Variants in UBQLN1 observed in about 807,000 individuals in gnomAD.
UBQLN1 encodes ubiquilin 1.
A neutral mutation model predicts 65.4 loss-of-function variants in UBQLN1; 13 were observed. The ratio of observed to expected loss-of-function variants is 0.20; its 90% CI spans 0.13 to 0.32. The LOEUF (loss-of-function observed/expected upper bound fraction) is 0.32, where lower values mean the gene tolerates loss of function less well. Among genes scored for constraint, UBQLN1 ranks in the 10% least tolerant of loss-of-function variants. UBQLN1 has a pLI of 1.00. For synonymous variants in UBQLN1, 267 were observed against 247.8 expected, an observed-to-expected ratio of 1.08 and a Z score of -0.73; for missense variants, 561 against 724.0, an observed-to-expected ratio of 0.77 and a Z score of 2.58.
chr9:83,677,636 C>T (rs1308740953), intron 6 of UBQLN1, 91 bp downstream of exon 6: 2 of 917,584 alleles, frequency 2.2e-6, no homozygotes, highest in East Asian at 2.6e-5. Flanking sequence ...TATACATACA[C>T]ACAAAAGCAC....
At chr9:83,696,645 GAA>G (rs11312351) in intron 1 of UBQLN1, among the ~76,000 whole-genome samples, 99 of 147,600 alleles carry the variant, frequency 6.7e-4, no homozygotes, top group African/African-American at 7.5e-4. Flanking sequence ...TCTAAAAAAG[GAA>G]AAAAAAAAAA....
At chr9:83,688,765 G>A (rs1832080446) in intron 1 of UBQLN1, among the ~76,000 whole-genome samples, 1 of 151,940 alleles carries the variant, frequency 6.6e-6, no homozygotes, top group South Asian at 2.1e-4. Context: ...GGAGGCTGAG[G>A]CAGGAGAATT....
intron 1 of UBQLN1, among the ~76,000 whole-genome samples, chr9:83,698,910 C>CT (rs1832265468): frequency 7.6e-6 from 1 of 132,072 alleles, no homozygotes; most frequent in Non-Finnish European, 1.6e-5. Flanking sequence ...TGAGACCTGT[C>CT]TCAAAAAAAA....
At chr9:83,690,698 C>A (rs1832112616) in intron 1 of UBQLN1, among the ~76,000 whole-genome samples, 1 of 151,440 alleles carries the variant, frequency 6.6e-6, no homozygotes, top group African/African-American at 2.4e-5. Flanking sequence ...CGTGCCACTG[C>A]ACTCCAGCTT....
At position 83,661,919 on chromosome 9, in the gene UBQLN1, T is replaced by C. The variant is rs956224786; in HGVS notation, c.1638A>G (p.Arg546=). 1 of 1,613,454 alleles carries C rather than the reference T, an allele frequency of 6.2e-7. No individual in the cohort carries two copies. The highest frequency in any genetic ancestry group is 8.5e-7 in the Non-Finnish European group (1 of 1,179,720). The change falls in exon 11 of 11, where the codon AGA becomes AGG. Residue 546 remains arginine (R), a synonymous_variant. Transcript: ENST00000376395. ...VNPQLQNPEV[R]FQQQLEQLSA... Reference sequence around the variant, plus strand: ...TGAGTTGTTCCAGTTGTTGCTGAAATCTGACTTCTGGATTCTGTAGCTATT... The same window carrying C: ...TGAGTTGTTCCAGTTGTTGCTGAAACCTGACTTCTGGATTCTGTAGCTATT...
intron 1 of UBQLN1, among the ~76,000 whole-genome samples, chr9:83,694,712 A>G (rs973688589): frequency 6.6e-6 from 1 of 152,216 alleles, no homozygotes; most frequent in Non-Finnish European, 1.5e-5. Context: ...CAAAAACTTA[A>G]AACTCAATTC....
At chr9:83,665,702 G>A (rs1831633488) in intron 8 of UBQLN1, among the ~76,000 whole-genome samples, 1 of 152,112 alleles carries the variant, frequency 6.6e-6, no homozygotes, top group African/African-American at 2.4e-5. Context: ...CACCAACCTT[G>A]GAAAATGGTT....
intron 1 of UBQLN1, 46 bp from the exon 2 acceptor site, chr9:83,686,201 A>T: frequency 7.6e-7 from 1 of 1,319,980 alleles, no homozygotes; most frequent in Non-Finnish European, 1.0e-6. Context: ...TTTGCACAGC[A>T]CCATACAGTC....
Position 83,679,943 on chromosome 9 carries a change from A to C in UBQLN1, c.543T>G (p.Ser181=). Residue 181 remains serine (S), a synonymous_variant, in exon 4 of 11, where the codon TCT becomes TCG. Coordinates refer to ENST00000376395, the MANE Select transcript of UBQLN1 (RefSeq NM_013438.5). The part of the protein sequence containing the change: ...LQSQMQRQLL[S]NPEMMVQIME... ...TGATCTGGACCATCATTTCAGGGTT[A>C]GACAAAAGTTGTCGCTGCATCTGAC... The C allele has an allele frequency of 6.2e-7, 1 of 1,614,192 alleles. No homozygotes were observed. Among genetic ancestry groups the C allele is most frequent in the South Asian group, 1.1e-5 (1 of 91,082 alleles).
rs1233242464 is a variant in UBQLN1 at position 83,677,721 on chromosome 9, G to C, written c.1105+6C>G. ...AAGAAAAAAGCCTGAGTTGTTAAAA[G>C]CATACCTCCTACTCCAGGCACCAAA... On this transcript the variant is annotated splice_donor_region_variant and intron_variant, in intron 6 of 10. Transcript: ENST00000376395. 1.2e-6 allele frequency: 2 copies of C among 1,605,248 alleles called. No homozygotes were observed. The highest frequency in any genetic ancestry group is 8.5e-7 in the Non-Finnish European group (1 of 1,173,470).
At chr9:83,684,002 C>CAG (rs1234623995) in intron 2 of UBQLN1, among the ~76,000 whole-genome samples, 2 of 151,908 alleles carry the variant, frequency 1.3e-5, no homozygotes, top group Non-Finnish European at 1.5e-5. Context: ...GCCTGGGTGA[C>CAG]AGAGAGAGAC....
intron 1 of UBQLN1, among the ~76,000 whole-genome samples, chr9:83,700,838 G>C (rs551099088): frequency 1.3e-5 from 2 of 152,156 alleles, no homozygotes; most frequent in African/African-American, 2.4e-5. Flanking sequence ...GTATTACACA[G>C]GGCCTCGCTA....
At chr9:83,705,679 T>A (rs1175045737) in intron 1 of UBQLN1, among the ~76,000 whole-genome samples, 2 of 152,200 alleles carry the variant, frequency 1.3e-5, no homozygotes, top group Non-Finnish European at 2.9e-5. Context: ...ATAAGACTGT[T>A]CATAGTAACT....
chr9:83,692,083 A>C (rs1366213361), intron 1 of UBQLN1, among the ~76,000 whole-genome samples: 1 of 152,120 alleles, frequency 6.6e-6, no homozygotes, highest in African/African-American at 2.4e-5. Flanking sequence ...CCAAGAAATA[A>C]GCAACTTTGT....
intron 7 of UBQLN1, chr9:83,667,960 T>TA (rs1261808486): frequency 2.0e-6 from 2 of 985,206 alleles, no homozygotes; most frequent in Non-Finnish European, 2.4e-6. Context: ...GTCACTTTAC[T>TA]AAAGTAAGAT....
At chr9:83,678,115 G>GTGT (rs1831872798) in intron 5 of UBQLN1, among the ~76,000 whole-genome samples, 154 bp from the exon 6 acceptor site, 1 of 148,678 alleles carries the variant, frequency 6.7e-6, no homozygotes, top group South Asian at 2.1e-4. Context: ...TCCGCCTCCT[G>GTGT]TGTTCACACC....
intron 2 of UBQLN1, among the ~76,000 whole-genome samples, chr9:83,684,070 C>G (rs1475898408): frequency 1.3e-5 from 2 of 152,094 alleles, no homozygotes; most frequent in Non-Finnish European, 1.5e-5. Context: ...TATCTATCCC[C>G]TTCTAGTTCT....
chr9:83,667,961 AAAGT>A, intron 7 of UBQLN1: 6 of 985,300 alleles, frequency 6.1e-6, no homozygotes, highest in Non-Finnish European at 7.2e-6. Flanking sequence ...TCACTTTACT[AAAGT>A]AAGATTATTA....
intron 3 of UBQLN1, 100 bp from the exon 4 acceptor site, chr9:83,680,137 A>C: frequency 8.3e-7 from 1 of 1,201,368 alleles, no homozygotes; most frequent in Non-Finnish European, 1.1e-6. Flanking sequence ...AGCTGACCCA[A>C]TAGTCTATTA....
Sources: gnomAD v4.1 joint callset for allele counts (sites outside exome capture counted in the v4.1 genomes callset) on GRCh38, gnomAD v4.1.1 for gene constraint, MANE v1.5 for transcripts, NCBI Gene and HGNC (gene_info 2026-07-23, HGNC 2026-07-21) for gene names.